PAPPA: variants seen among roughly 807,000 people sequenced by gnomAD.
PAPPA encodes pappalysin-1.
In PAPPA, 60 loss-of-function variants were observed where a neutral mutation model predicts 164.0. The observed-to-expected ratio is 0.37, with a 90% CI of 0.30 to 0.45. The LOEUF (loss-of-function observed/expected upper bound fraction) is 0.45. Ranked by LOEUF, PAPPA falls within the 20% of genes least tolerant of loss-of-function variation. The pLI, the probability that PAPPA is intolerant of heterozygous loss-of-function variation, is 1.00. For synonymous variants in PAPPA, 875 were observed against 814.1 expected (o/e 1.07, Z -1.27); for missense variants, 1,782 against 2,087.3 (o/e 0.85, Z 2.85).
intron 7 of PAPPA, among the ~76,000 whole-genome samples, chr9:116,245,140 C>A (rs557966243): frequency 1.4e-4 from 20 of 142,336 alleles, no homozygotes; most frequent in African/African-American, 5.3e-4. Context: ...GAGTGACAGA[C>A]AATATGGACA....
chr9:116,154,490 G>A lies in PAPPA; in HGVS notation c.318G>A (p.Leu106=). Residue 106 remains leucine, a synonymous_variant, in exon 1 of 22, where the codon CTG becomes CTA. Coordinates refer to ENST00000328252, the MANE Select transcript of PAPPA (RefSeq NM_002581.5). This position sits in a 1 kb window ranked among gnomAD's most constrained non-coding sequence, Gnocchi z 5.2. ...ATTTCAGCGGGCGAGGCGAGCAGCTGCGCCTCCGGGCCGACCTCGAGCTGC... is the reference window on the plus strand; with the variant it reads ...ATTTCAGCGGGCGAGGCGAGCAGCTACGCCTCCGGGCCGACCTCGAGCTGC... ...ALYFSGRGEQ[L]RLRADLELPR... The A allele has an allele frequency of 7.6e-7, 1 of 1,312,990 alleles. No homozygotes were observed. The highest frequency in any genetic ancestry group is 9.7e-7 in the Non-Finnish European group (1 of 1,029,652). 81.3% of individuals were successfully genotyped at this position (1,312,990 alleles called of 1,614,324 possible).
At chr9:116,199,901 G>A (rs1844151901) in intron 2 of PAPPA, among the ~76,000 whole-genome samples, 1 of 151,906 alleles carries the variant, frequency 6.6e-6, no homozygotes, top group Non-Finnish European at 1.5e-5. Context: ...AGAGTGGGGA[G>A]ACGATAGAGT....
chr9:116,343,142 G>A (rs1012092474), intron 13 of PAPPA, among the ~76,000 whole-genome samples: 1 of 152,312 alleles, frequency 6.6e-6, no homozygotes, highest in Non-Finnish European at 1.5e-5. Context: ...ACTGTAAAAT[G>A]AGTAACGCTT....
intron 10 of PAPPA, among the ~76,000 whole-genome samples, chr9:116,324,899 G>A (rs908768466): frequency 2.0e-5 from 3 of 152,204 alleles, no homozygotes; most frequent in Non-Finnish European, 2.9e-5. Flanking sequence ...GCTGAAACCA[G>A]CTCCTGAAAA....
In PAPPA at chr9:116,331,319, C is replaced by T. The variant is rs1357470267; in HGVS notation, c.3223C>T (p.Pro1075Ser). 6.2e-7 allele frequency: 1 copy of T among 1,613,854 alleles called. No homozygotes were observed. Residue 1075 changes from proline (P) to serine (S), a missense_variant, in exon 11 of 22, where the codon CCA becomes TCA. Pro to Ser is a moderately conservative substitution (Grantham distance 74). This residue lies in a region of PAPPA where 1,324 missense variants were observed against 1,656.9 expected (regional missense o/e 0.80). Coordinates refer to ENST00000328252, the MANE Select transcript of PAPPA (RefSeq NM_002581.5). The part of the protein sequence containing the change: ...HAWYPCTISY[P>S]YSQLAQTTFW... ...CTGGTACCCTTGCACCATCAGCTAC[C>T]CATATTCCCAGCTGGCTCAGACCAC...
chr9:116,306,795 C>A (rs900654156), intron 10 of PAPPA, among the ~76,000 whole-genome samples: 74 of 151,386 alleles, frequency 4.9e-4, no homozygotes, highest in African/African-American at 1.7e-3. Flanking sequence ...CTTCCTTTTA[C>A]CCCGGCCTCC....
intron 6 of PAPPA, among the ~76,000 whole-genome samples, chr9:116,231,857 G>A (rs994306935): frequency 2.1e-5 from 3 of 141,778 alleles, no homozygotes; most frequent in African/African-American, 5.3e-5. Flanking sequence ...AGCCTCACGG[G>A]TTCAAGTAAC....
chr9:116,251,922 G>A (rs7857939), intron 7 of PAPPA, among the ~76,000 whole-genome samples: 12,233 of 152,034 alleles, frequency 0.08, 1,524 homozygotes, highest in African/African-American at 0.27. Context: ...CTGTTACCTC[G>A]TCCCGGGATT....
intron 7 of PAPPA, among the ~76,000 whole-genome samples, chr9:116,241,605 C>T (rs568338063): frequency 6.6e-6 from 1 of 152,236 alleles, no homozygotes; most frequent in African/African-American, 2.4e-5. Flanking sequence ...TTCTTAAGTA[C>T]AAAATTTATG....
intron 5 of PAPPA, among the ~76,000 whole-genome samples, chr9:116,225,053 G>T (rs892975753): frequency 2.0e-5 from 3 of 152,202 alleles, no homozygotes; most frequent in African/African-American, 7.2e-5. Context: ...GGGAGCCTGG[G>T]ATGTATCAAG....
chr9:116,369,297 T>C (rs555342987), intron 19 of PAPPA, among the ~76,000 whole-genome samples: 1 of 152,236 alleles, frequency 6.6e-6, no homozygotes, highest in South Asian at 2.1e-4. Flanking sequence ...CACCCTGATA[T>C]GCTCATATAC....
At chr9:116,339,357 G>A (rs1245149218) in intron 13 of PAPPA, among the ~76,000 whole-genome samples, 7 of 152,090 alleles carry the variant, frequency 4.6e-5, no homozygotes, top group East Asian at 1.9e-4. Context: ...CCCTCTCCTC[G>A]ACACACCCCA....
In PAPPA at chr9:116,378,725, G is replaced by T. The variant is rs1316685215; in HGVS notation, c.4677+1078G>T. On this transcript the variant is annotated intron_variant, in intron 20 of 21. Coordinates refer to ENST00000328252, the MANE Select transcript of PAPPA (RefSeq NM_002581.5). ...AGTAGAAAACGAGGGCCAGAGAGGG[G>T]ATGGAATGTCCAAGTTTGCACAGCA... Among the ~76,000 whole-genome samples, 7 of 152,138 alleles carry T rather than the reference G, an allele frequency of 4.6e-5. No individual in the cohort carries two copies. In the East Asian group the frequency reaches 1.2e-3, roughly 25 times the overall value.
intron 21 of PAPPA, among the ~76,000 whole-genome samples, chr9:116,384,809 C>T (rs536741968): frequency 3.9e-5 from 6 of 152,192 alleles, no homozygotes; most frequent in South Asian, 4.1e-4. Flanking sequence ...CACCTTTGAA[C>T]GTGAATGGAC....
intron 1 of PAPPA, among the ~76,000 whole-genome samples, chr9:116,164,123 G>A (rs117903098): frequency 2.0e-3 from 303 of 152,240 alleles, no homozygotes; most frequent in Non-Finnish European, 3.4e-3. Flanking sequence ...ATAGACCACC[G>A]GCCTTGTAGT....
chr9:116,379,173 C>T (rs550892973), intron 20 of PAPPA, among the ~76,000 whole-genome samples: 3 of 152,176 alleles, frequency 2.0e-5, no homozygotes, highest in Non-Finnish European at 4.4e-5. Flanking sequence ...GACTCTGAGC[C>T]CTGCCAGTGA....
At chr9:116,273,579 G>T (rs1845162043) in intron 9 of PAPPA, among the ~76,000 whole-genome samples, 1 of 152,114 alleles carries the variant, frequency 6.6e-6, no homozygotes, top group Non-Finnish European at 1.5e-5. Flanking sequence ...TTATAATGTG[G>T]TTCACCATTT....
intron 4 of PAPPA, among the ~76,000 whole-genome samples, chr9:116,218,962 A>T (rs1286302402): frequency 6.6e-6 from 1 of 152,182 alleles, no homozygotes; most frequent in Non-Finnish European, 1.5e-5. Context: ...GGCAGCATGG[A>T]GTGGGAGATG....
intron 17 of PAPPA, among the ~76,000 whole-genome samples, chr9:116,362,049 A>G (rs1846434000): frequency 2.0e-5 from 3 of 152,158 alleles, no homozygotes; most frequent in Admixed American, 6.5e-5. Context: ...ATGGAATGGA[A>G]TGAAAGAAAG....
Sources: gnomAD v4.1 joint callset for allele counts (sites outside exome capture counted in the v4.1 genomes callset) on GRCh38, gnomAD v4.1.1 for gene constraint, gnomAD v4.1.1 regional missense constraint, Gnocchi (gnomAD v3.1) non-coding constraint, MANE v1.5 for transcripts, NCBI Gene and HGNC (gene_info 2026-07-23, HGNC 2026-07-21) for gene names.